The following SASH1 variants were observed in gnomAD, a reference collection of about 807,000 sequenced individuals.
SASH1 encodes SAM and SH3 domain containing 1, also known as SAM and SH3 domain-containing protein 1.
SASH1 carries 44 observed loss-of-function variants against 125.2 expected under a neutral mutation model. The ratio of observed to expected loss-of-function variants is 0.35; its 90% CI spans 0.28 to 0.45. SASH1 has a LOEUF of 0.45. SASH1 is among the 20% of genes least tolerant of loss of function. The pLI, the probability that SASH1 is intolerant of heterozygous loss-of-function variation, is 1.00. For missense variants in SASH1, 1,426 were observed against 1,614.5 expected, an observed-to-expected ratio of 0.88 and a Z score of 2.00; for synonymous variants, 639 against 649.1, an observed-to-expected ratio of 0.98 and a Z score of 0.24.
chr6:148,417,477 C>T (rs1026224900), intron 2 of SASH1, among the ~76,000 whole-genome samples: 8 of 152,044 alleles, frequency 5.3e-5, no homozygotes, highest in Non-Finnish European at 7.4e-5. Context: ...CCCAGCTACT[C>T]GAGAGGCTGA....
intron 1 of SASH1, among the ~76,000 whole-genome samples, chr6:148,322,670 C>T (rs1780665504): frequency 6.6e-6 from 1 of 152,158 alleles, no homozygotes; most frequent in African/African-American, 2.4e-5. Context: ...TCCCTTACTC[C>T]TTGCTGTCAT....
chr6:148,424,672 CCTCTTAA>C (rs2114956779), intron 2 of SASH1, among the ~76,000 whole-genome samples: 1 of 152,266 alleles, frequency 6.6e-6, no homozygotes, highest in Admixed American at 6.5e-5. Flanking sequence ...AGTCCAGCCT[CCTCTTAA>C]CTTTAAAATC....
At chr6:148,250,309 T>C in the SASH1 span, among the ~76,000 whole-genome samples, 1 of 152,188 alleles carries the variant, frequency 6.6e-6, no homozygotes, top group African/African-American at 2.4e-5. Context: ...TCACCCTGGA[T>C]ATCTGCCTCG....
At position 148,396,900 on chromosome 6, in the gene SASH1, A is replaced by C. The variant is rs117775426; in HGVS notation, c.285+6638A>C. On this transcript the variant is annotated intron_variant, in intron 2 of 19. Transcript: ENST00000367467. ...GGCTTAAATGAAAAAAATTGCTGTC[A>C]TCATAAGTGACTGTAACTGTTGATT... is the stretch of plus-strand genomic sequence containing the variant. Among the ~76,000 whole-genome samples, 168 of 152,310 alleles carry C rather than the reference A, an allele frequency of 1.1e-3. 5 individuals are homozygous for C. The East Asian group carries it at 0.031, about 28-fold the overall frequency.
the SASH1 span, among the ~76,000 whole-genome samples, chr6:148,256,500 T>A: frequency 6.6e-6 from 1 of 152,224 alleles, no homozygotes; most frequent in Non-Finnish European, 1.5e-5. Context: ...TGAATGCACA[T>A]CTGTAGTACA....
chr6:148,282,378 G>C (rs906901892), intron 1 of SASH1, among the ~76,000 whole-genome samples: 2 of 62,294 alleles, frequency 3.2e-5, no homozygotes, highest in Non-Finnish European at 6.1e-5. Flanking sequence ...ATCCTGCCCA[G>C]GAGATTTTTT....
chr6:148,327,951 A>AAAAG (rs1554235663), intron 1 of SASH1, among the ~76,000 whole-genome samples: 8,811 of 146,834 alleles, frequency 0.06, 363 homozygotes, highest in East Asian at 0.26. Context: ...AAAAAAAAAA[A>AAAAG]AAAAAGAAAA....
intron 1 of SASH1, among the ~76,000 whole-genome samples, chr6:148,327,576 C>T (rs1780864977): frequency 6.6e-6 from 1 of 150,792 alleles, no homozygotes; most frequent in Non-Finnish European, 1.5e-5. Context: ...AGCCACTGCG[C>T]CCGGCCAGAA....
In SASH1 at chr6:148,495,123, A is replaced by G. The variant is rs182252570; in HGVS notation, c.729+7408A>G. The stretch of plus-strand genomic sequence containing the variant: ...TCGAAATAGAACATTCTGAAAGATA[A>G]TTTGCTAATAACAATTCTGGTATGT... On this transcript the variant is annotated intron_variant, in intron 8 of 19. Coordinates refer to ENST00000367467, the MANE Select transcript of SASH1 (RefSeq NM_015278.5). The surrounding 1 kb of genome is among the most constrained non-coding windows in gnomAD (Gnocchi z 4.0). Among the ~76,000 whole-genome samples, 5 of 152,358 alleles carry G rather than the reference A, an allele frequency of 3.3e-5. No homozygotes were observed. The East Asian group carries it at 9.6e-4, about 29-fold the overall frequency.
chr6:148,239,298 T>C, the SASH1 span, among the ~76,000 whole-genome samples: 42 of 152,306 alleles, frequency 2.8e-4, 1 homozygote, highest in East Asian at 3.1e-3. Flanking sequence ...ATCCTTCCAA[T>C]AGGAATATAA....
In SASH1 at chr6:148,548,868, G is replaced by T; in HGVS notation, c.*310G>T. On this transcript the variant is annotated 3_prime_UTR_variant, in exon 20 of 20. Coordinates refer to ENST00000367467, the MANE Select transcript of SASH1 (RefSeq NM_015278.5). Reference sequence around the variant, plus strand: ...AATGCTCTATCTCCAGTCTGTCTCTGTGTACTGGTAGAGGCTGGGAGGAGT... The same window carrying T: ...AATGCTCTATCTCCAGTCTGTCTCTTTGTACTGGTAGAGGCTGGGAGGAGT... The T allele has an allele frequency of 3.6e-6, 1 of 276,192 alleles. No homozygotes were observed. The highest frequency in any genetic ancestry group is 6.8e-6 in the Non-Finnish European group (1 of 146,620). 17.1% of individuals were successfully genotyped at this position (276,192 alleles called of 1,614,324 possible).
Position 148,477,611 on chromosome 6 carries a change from C to T in SASH1, c.627+3389C>T, listed in dbSNP as rs1428281545. Reference sequence around the variant, plus strand: ...CGAGATCTCGGCTCACTGCGACCTCCGCCTCCTGGGTTCAAGTGATTCTCC... The same window carrying T: ...CGAGATCTCGGCTCACTGCGACCTCTGCCTCCTGGGTTCAAGTGATTCTCC... On this transcript the variant is annotated intron_variant, in intron 7 of 19. Coordinates refer to ENST00000367467, the MANE Select transcript of SASH1 (RefSeq NM_015278.5). Among the ~76,000 whole-genome samples, 6 of 152,006 alleles carry T rather than the reference C, an allele frequency of 3.9e-5. No homozygotes were observed. The East Asian group carries it at 5.8e-4, about 15-fold the overall frequency.
chr6:148,421,062 T>C (rs1250982283), intron 2 of SASH1, among the ~76,000 whole-genome samples: 2 of 148,972 alleles, frequency 1.3e-5, no homozygotes, highest in African/African-American at 5.0e-5. Context: ...CCAGTCTGGG[T>C]GACAGAGTGA....
At chr6:148,415,987 G>C (rs1784801163) in intron 2 of SASH1, among the ~76,000 whole-genome samples, 2 of 152,324 alleles carry the variant, frequency 1.3e-5, no homozygotes, top group South Asian at 4.1e-4. Flanking sequence ...GGGCGGTAAA[G>C]GAGATCCCAC....
At position 148,319,022 on chromosome 6, in the gene SASH1, C is replaced by CTTTTTTTTTTTTTT. The variant is rs10695657; in HGVS notation, n.74+46660_74+46673dup. 8.7e-4 allele frequency among the ~76,000 whole-genome samples: 58 copies of CTTTTTTTTTTTTTT among 66,686 alleles called. 12 individuals are homozygous for CTTTTTTTTTTTTTT. Among genetic ancestry groups the CTTTTTTTTTTTTTT allele is most frequent in the Non-Finnish European group, 1.2e-3 (44 of 36,548 alleles). 43.7% of individuals were successfully genotyped at this position (66,686 alleles called of 152,430 possible). A position where few individuals can be genotyped will look rare whatever the true frequency, so the allele number is the denominator to read the frequency against. ...ATATGGAAGAAGCCGCATTTATCTT[C>CTTTTTTTTTTTTTT]TTTTTTTTTTTTTTTTTTTTTTTTT... is the stretch of plus-strand genomic sequence containing the variant. On this transcript the variant is annotated intron_variant and non_coding_transcript_variant, in intron 1 of 3. Transcript: ENST00000367469.
rs951892059 is a variant in SASH1, at chr6:148,468,419, T to C, written c.387-126T>C. The C allele has an allele frequency of 1.8e-5, 12 of 660,982 alleles. No individual in the cohort carries two copies. In the African/African-American group the frequency reaches 2.0e-4, roughly 11 times the overall value. The allele number at this position is 660,982 out of a possible 1,614,324, so 40.9% of individuals were successfully genotyped here. ...ATGGGTAGAAAAAGCCAGTGGTAAA[T>C]AGCCTATAACAATTTCCCTGGCTGT... On this transcript the variant is annotated intron_variant, in intron 4 of 19. Coordinates refer to ENST00000367467, the MANE Select transcript of SASH1 (RefSeq NM_015278.5).
chr6:148,504,383 C>G (rs951660291), intron 8 of SASH1, among the ~76,000 whole-genome samples: 2 of 152,104 alleles, frequency 1.3e-5, no homozygotes, highest in Admixed American at 6.5e-5. Flanking sequence ...GTCACATATT[C>G]CACTATAAGG....
the SASH1 span, among the ~76,000 whole-genome samples, chr6:148,224,168 C>T: frequency 1.3e-5 from 2 of 152,220 alleles, no homozygotes; most frequent in African/African-American, 4.8e-5. Flanking sequence ...CGGTGTCTCA[C>T]ACCTATAATT....
intron 1 of SASH1, among the ~76,000 whole-genome samples, chr6:148,380,496 G>C (rs959866031): frequency 1.3e-5 from 2 of 152,132 alleles, no homozygotes; most frequent in African/African-American, 4.8e-5. Flanking sequence ...CTGTGAATGT[G>C]GTCTATAATT....
Sources: gnomAD v4.1 joint callset for allele counts (sites outside exome capture counted in the v4.1 genomes callset) on GRCh38, gnomAD v4.1.1 for gene constraint, Gnocchi (gnomAD v3.1) non-coding constraint, MANE v1.5 for transcripts, NCBI Gene and HGNC (gene_info 2026-07-23, HGNC 2026-07-21) for gene names.